FGF12: variants seen among roughly 807,000 people sequenced by gnomAD.
FGF12 encodes fibroblast growth factor 12.
Under a neutral mutation model 23.6 loss-of-function variants are expected in FGF12, and 14 were observed. The ratio of observed to expected loss-of-function variants is 0.59; its 90% CI spans 0.39 to 0.93. The LOEUF is 0.93. Among genes scored for constraint, FGF12 ranks in the 40% least tolerant of loss-of-function variants. FGF12 has a pLI of 0.00. For synonymous variants in FGF12, 62 were observed against 77.3 expected (o/e 0.80, Z 1.04); for missense variants, 175 against 217.8 (o/e 0.80, Z 1.24).
chr3:192,699,992 C>G (rs567020379), intron 2 of FGF12, among the ~76,000 whole-genome samples: 1 of 152,262 alleles, frequency 6.6e-6, no homozygotes, highest in East Asian at 1.9e-4. Context: ...CTGAGATGCT[C>G]CCATCACCTC....
chr3:192,163,017 A>G (rs1299238352), intron 5 of FGF12, among the ~76,000 whole-genome samples: 1 of 152,138 alleles, frequency 6.6e-6, no homozygotes, highest in Non-Finnish European at 1.5e-5. Flanking sequence ...TTTTTTTACA[A>G]TGTCTAATTT....
At chr3:192,177,494 C>G (rs1173775825) in intron 4 of FGF12, among the ~76,000 whole-genome samples, 1 of 152,180 alleles carries the variant, frequency 6.6e-6, no homozygotes, top group African/African-American at 2.4e-5. Flanking sequence ...CTTTCCAACT[C>G]AAGTAGGAAT....
intron 2 of FGF12, among the ~76,000 whole-genome samples, chr3:192,483,161 G>A (rs1577010778): frequency 6.6e-6 from 1 of 152,176 alleles, no homozygotes; most frequent in South Asian, 2.1e-4. Flanking sequence ...CTTGGCTCTT[G>A]TTATTCCTCC....
intron 2 of FGF12, among the ~76,000 whole-genome samples, chr3:192,711,305 A>G (rs185682671): frequency 4.9e-4 from 62 of 126,098 alleles, no homozygotes; most frequent in Non-Finnish European, 8.5e-4. Context: ...GCCCCCACCC[A>G]GCCAGCCGCC....
chr3:192,250,349 T>C (rs1445231427), intron 4 of FGF12, among the ~76,000 whole-genome samples: 1 of 152,178 alleles, frequency 6.6e-6, no homozygotes, highest in Non-Finnish European at 1.5e-5. Flanking sequence ...ATTATTTTGA[T>C]GAGTTGTGCA....
intron 2 of FGF12, among the ~76,000 whole-genome samples, chr3:192,392,528 G>A (rs1233349039): frequency 1.3e-5 from 2 of 151,660 alleles, no homozygotes; most frequent in African/African-American, 4.8e-5. Flanking sequence ...CTCAGGAGGT[G>A]GAGGTTGCAG....
intron 2 of FGF12, among the ~76,000 whole-genome samples, chr3:192,406,221 C>T (rs1315879929): frequency 6.6e-6 from 1 of 151,666 alleles, no homozygotes; most frequent in African/African-American, 2.4e-5. Flanking sequence ...GCAAAAGTAA[C>T]CCATTGATCA....
rs1577087771 is a variant in FGF12, at chr3:192,629,973, T to C, written c.13+97208A>G. 2.0e-5 allele frequency among the ~76,000 whole-genome samples: 3 copies of C among 152,278 alleles called. No individual in the cohort carries two copies. The East Asian group carries it at 5.8e-4, about 29-fold the overall frequency. ...GATGAGCTCCGGCCCAAATCGCATGTTGAACTGGAATCCCCGGTATCAGAA... is the reference window on the plus strand; with the variant it reads ...GATGAGCTCCGGCCCAAATCGCATGCTGAACTGGAATCCCCGGTATCAGAA... On this transcript the variant is annotated intron_variant, in intron 2 of 5. Coordinates refer to ENST00000445105, the MANE Select transcript of FGF12 (RefSeq NM_004113.6).
Position 192,409,690 on chromosome 3 carries a change from C to T in FGF12, c.14-49152G>A, listed in dbSNP as rs1419648381. Among the ~76,000 whole-genome samples, 1 of 152,146 alleles carries T rather than the reference C, an allele frequency of 6.6e-6. No homozygotes were observed. The highest frequency in any genetic ancestry group is 6.5e-5 in the Admixed American group (1 of 15,278). ...GCTCGCGGCGGCTGAGGCTCCTGGCCGGAGCTGCCCACCATGGTCTGGCGC... is the reference window on the plus strand; with the variant it reads ...GCTCGCGGCGGCTGAGGCTCCTGGCTGGAGCTGCCCACCATGGTCTGGCGC... On this transcript the variant is annotated intron_variant, in intron 2 of 5. Transcript: ENST00000445105. This position sits in a 1 kb window ranked among gnomAD's most constrained non-coding sequence, Gnocchi z 4.8.
intron 2 of FGF12, among the ~76,000 whole-genome samples, chr3:192,467,846 A>G (rs181212563): frequency 1.6e-4 from 24 of 152,346 alleles, no homozygotes; most frequent in African/African-American, 5.5e-4. Flanking sequence ...AAGCTGTCTC[A>G]GAGAACACAT....
chr3:192,546,874 AC>A (rs1356155393), intron 2 of FGF12, among the ~76,000 whole-genome samples: 2 of 152,042 alleles, frequency 1.3e-5, no homozygotes, highest in African/African-American at 4.8e-5. Flanking sequence ...ACACAGCAAA[AC>A]CCCATCTCTA....
chr3:192,681,177 C>T lies in FGF12; in HGVS notation c.13+46004G>A, dbSNP rs1370321796. Among the ~76,000 whole-genome samples, 11 of 152,296 alleles carry T rather than the reference C, an allele frequency of 7.2e-5. 1 individual carries two copies. The South Asian group carries it at 1.9e-3, about 26-fold the overall frequency. On this transcript the variant is annotated intron_variant, in intron 2 of 5. Transcript: ENST00000445105. ...GTCAGAATAAGGGAGGCCAGTTAGGCCTCCACTGCAGAAGATAAGAGGTGA... is the reference window on the plus strand; with the variant it reads ...GTCAGAATAAGGGAGGCCAGTTAGGTCTCCACTGCAGAAGATAAGAGGTGA...
intron 2 of FGF12, among the ~76,000 whole-genome samples, chr3:192,651,979 T>C (rs914751952): frequency 6.6e-6 from 1 of 152,122 alleles, no homozygotes; most frequent in Non-Finnish European, 1.5e-5. Flanking sequence ...TGTGGCTAAG[T>C]GAGAAGAGAA....
At chr3:192,641,402 G>C (rs192358318) in intron 2 of FGF12, among the ~76,000 whole-genome samples, 2 of 41,490 alleles carry the variant, frequency 4.8e-5, no homozygotes, top group Non-Finnish European at 4.9e-5. Flanking sequence ...ACCGCGCCCG[G>C]CCTTTTTTTT....
chr3:192,175,186 A>C (rs1388930122), intron 4 of FGF12, among the ~76,000 whole-genome samples: 2 of 152,238 alleles, frequency 1.3e-5, no homozygotes, highest in African/African-American at 2.4e-5. Context: ...GTATAACGGA[A>C]ACAGGCAGGC....
chr3:192,234,849 A>G (rs1454326447), intron 4 of FGF12, among the ~76,000 whole-genome samples: 1 of 152,100 alleles, frequency 6.6e-6, no homozygotes, highest in African/African-American at 2.4e-5. Context: ...GCATTTATTG[A>G]TATTCATATG....
At chr3:192,538,505 C>T (rs1358402761) in intron 2 of FGF12, among the ~76,000 whole-genome samples, 1 of 152,140 alleles carries the variant, frequency 6.6e-6, no homozygotes, top group Non-Finnish European at 1.5e-5. Flanking sequence ...CAGTACCATG[C>T]TATTTTGGTA....
chr3:192,173,378 G>A (rs1380312370), intron 4 of FGF12, among the ~76,000 whole-genome samples: 1 of 150,824 alleles, frequency 6.6e-6, no homozygotes, highest in African/African-American at 2.4e-5. Context: ...TTGCCTGGCA[G>A]CACAGGGCTA....
At chr3:192,511,005 T>C (rs1359125955) in intron 2 of FGF12, among the ~76,000 whole-genome samples, 1 of 152,124 alleles carries the variant, frequency 6.6e-6, no homozygotes, top group African/African-American at 2.4e-5. Context: ...TATAGGATCG[T>C]TGAGGTTTTT....
Sources: allele counts gnomAD v4.1 joint callset (sites outside exome capture counted in the v4.1 genomes callset), GRCh38; gene constraint gnomAD v4.1.1; non-coding constraint Gnocchi (gnomAD v3.1); transcripts MANE v1.5; gene names NCBI Gene and HGNC (gene_info 2026-07-23, HGNC 2026-07-21).